TFDP2: variants seen among roughly 807,000 people sequenced by gnomAD.
The protein encoded by TFDP2 is transcription factor Dp-2 (E2F dimerization partner 2).
TFDP2 carries 17 observed loss-of-function variants against 59.3 expected under a neutral mutation model. That is an observed-to-expected ratio of 0.29 (90% confidence interval 0.20 to 0.43). The LOEUF (loss-of-function observed/expected upper bound fraction) is 0.43, where lower values mean the gene tolerates loss of function less well. Among genes scored for constraint, TFDP2 ranks in the 20% least tolerant of loss-of-function variants. TFDP2 has a pLI of 1.00. For synonymous variants in TFDP2, 180 were observed against 194.7 expected (o/e 0.92, Z 0.63); for missense variants, 391 against 528.8 (o/e 0.74, Z 2.56).
intron 4 of TFDP2, among the ~76,000 whole-genome samples, chr3:141,996,461 T>C (rs1027385371): frequency 3.9e-5 from 6 of 152,210 alleles, no homozygotes; most frequent in African/African-American, 1.2e-4. Flanking sequence ...CTACAAGTAA[T>C]TGTTAATAAG....
chr3:142,064,041 C>T (rs542451516), intron 3 of TFDP2, among the ~76,000 whole-genome samples: 38 of 152,274 alleles, frequency 2.5e-4, no homozygotes, highest in Admixed American at 4.6e-4. Flanking sequence ...GCAACCTTTG[C>T]CTCCTGGGTT....
At chr3:142,050,161 G>A (rs1947539049) in intron 3 of TFDP2, among the ~76,000 whole-genome samples, 2 of 151,824 alleles carry the variant, frequency 1.3e-5, no homozygotes, top group African/African-American at 4.8e-5. Flanking sequence ...CAGCTACTCG[G>A]GAGGCTGAGG....
chr3:142,149,442 G>C lies in TFDP2; in HGVS notation c.-352C>G. On this transcript the variant is annotated 5_prime_UTR_variant, in exon 1 of 13. Coordinates refer to ENST00000489671, the MANE Select transcript of TFDP2 (RefSeq NM_001178139.2). ...CCCCGCGGGCCGGGCAGCTGCGGCA[G>C]CGCCGCAGCCGAGATCGCTACCGAT... 1 of 380,284 alleles carries C rather than the reference G, an allele frequency of 2.6e-6. No individual in the cohort carries two copies. 23.6% of individuals were successfully genotyped at this position (380,284 alleles called of 1,614,324 possible). A position where few individuals can be genotyped will look rare whatever the true frequency, so the allele number is the denominator to read the frequency against.
chr3:142,027,631 A>G (rs1047242215), intron 3 of TFDP2, among the ~76,000 whole-genome samples: 3 of 152,218 alleles, frequency 2.0e-5, no homozygotes, highest in African/African-American at 7.2e-5. Flanking sequence ...TTGAACTTCA[A>G]AGAATGACTA....
At chr3:142,089,447 G>A (rs1348497036) in intron 3 of TFDP2, among the ~76,000 whole-genome samples, 3 of 152,012 alleles carry the variant, frequency 2.0e-5, no homozygotes, top group Non-Finnish European at 4.4e-5. Context: ...CTAACTTCAG[G>A]GTGTTGCAGG....
At chr3:141,980,228 G>C (rs930255814) in intron 6 of TFDP2, among the ~76,000 whole-genome samples, 6 of 125,386 alleles carry the variant, frequency 4.8e-5, no homozygotes, top group Admixed American at 4.0e-4. Context: ...CAACAAAAAA[G>C]TTTCAAAAGT....
intron 7 of TFDP2, among the ~76,000 whole-genome samples, chr3:141,976,538 A>C (rs1344220395): frequency 6.6e-6 from 1 of 152,236 alleles, no homozygotes; most frequent in African/African-American, 2.4e-5. Context: ...AGTGAAGATC[A>C]CAAGGCAGGG....
At chr3:141,998,238 A>G (rs541204495) in intron 4 of TFDP2, among the ~76,000 whole-genome samples, 1 of 152,348 alleles carries the variant, frequency 6.6e-6, no homozygotes, top group South Asian at 2.1e-4. Flanking sequence ...GTAAGACTTG[A>G]ACAGCCACAG....
chr3:142,068,051 G>C (rs1024060940), intron 3 of TFDP2, among the ~76,000 whole-genome samples: 3 of 135,886 alleles, frequency 2.2e-5, no homozygotes, highest in Non-Finnish European at 4.8e-5. Flanking sequence ...CAATAATCAA[G>C]ATAGTGTGGC....
chr3:142,047,442 T>A (rs1947395706), intron 3 of TFDP2, among the ~76,000 whole-genome samples: 1 of 152,164 alleles, frequency 6.6e-6, no homozygotes, highest in African/African-American at 2.4e-5. Context: ...TTCTCACTGG[T>A]TCTGTAAACC....
chr3:142,119,952 A>G (rs6775615), intron 1 of TFDP2, among the ~76,000 whole-genome samples: 28,140 of 151,800 alleles, frequency 0.19, 2,848 homozygotes, highest in African/African-American at 0.24. Context: ...CGGGAGGCTG[A>G]GGCAGGAGAA....
At chr3:141,973,108 TATATATA>T (rs1313005543) in intron 8 of TFDP2, among the ~76,000 whole-genome samples, 1 of 108,904 alleles carries the variant, frequency 9.2e-6, no homozygotes, top group African/African-American at 3.7e-5. Flanking sequence ...TATATATATA[TATATATA>T]TATATATATT....
At chr3:142,144,797 C>G (rs1172484044) in intron 1 of TFDP2, among the ~76,000 whole-genome samples, 1 of 152,226 alleles carries the variant, frequency 6.6e-6, no homozygotes, top group Non-Finnish European at 1.5e-5. Flanking sequence ...ACCTCGGCCT[C>G]CCAAAGCACT....
chr3:142,058,490 A>G (rs1484074996), intron 3 of TFDP2, among the ~76,000 whole-genome samples: 1 of 152,120 alleles, frequency 6.6e-6, no homozygotes, highest in East Asian at 1.9e-4. Flanking sequence ...CTAGCCACAG[A>G]TGACATGCCC....
chr3:141,972,938 T>G (rs1488337116), intron 8 of TFDP2, among the ~76,000 whole-genome samples: 1 of 151,790 alleles, frequency 6.6e-6, no homozygotes, highest in Non-Finnish European at 1.5e-5. Flanking sequence ...GGAGGATATT[T>G]CCACTGTAGC....
At chr3:141,972,433 A>G (rs1270713539) in intron 8 of TFDP2, among the ~76,000 whole-genome samples, 2 of 152,094 alleles carry the variant, frequency 1.3e-5, no homozygotes, top group Non-Finnish European at 2.9e-5. Flanking sequence ...TAATTTATCA[A>G]CTGCTTCCCT....
rs556085848 is a variant in TFDP2, at chr3:141,954,462, C to T, written c.1052-1446G>A. On this transcript the variant is annotated intron_variant, in intron 11 of 12. Coordinates refer to ENST00000489671, the MANE Select transcript of TFDP2 (RefSeq NM_001178139.2). ...GACCAGCCTGGCAAATATAGCAAAG[C>T]CCCATCTCTATTAAAAATACAAAAA... 4.6e-5 allele frequency among the ~76,000 whole-genome samples: 7 copies of T among 151,952 alleles called. No homozygotes were observed. The South Asian group carries it at 1.5e-3, about 32-fold the overall frequency.
At chr3:141,988,729 T>C (rs1942423396) in intron 6 of TFDP2, among the ~76,000 whole-genome samples, 1 of 143,450 alleles carries the variant, frequency 7.0e-6, no homozygotes, top group Admixed American at 7.7e-5. Flanking sequence ...AGTGCAGTGG[T>C]GCAATCTCAG....
chr3:142,093,360 G>T (rs1322063121), intron 2 of TFDP2, among the ~76,000 whole-genome samples: 1 of 151,882 alleles, frequency 6.6e-6, no homozygotes, highest in Non-Finnish European at 1.5e-5. Context: ...GAGGTCGGAG[G>T]ATTGCTTGAG....
Sources: allele counts gnomAD v4.1 joint callset (sites outside exome capture counted in the v4.1 genomes callset), GRCh38; gene constraint gnomAD v4.1.1; transcripts MANE v1.5; gene names NCBI Gene and HGNC (gene_info 2026-07-23, HGNC 2026-07-21).